SLC35F3: variants seen among roughly 807,000 people sequenced by gnomAD.
SLC35F3 encodes solute carrier family 35 member F3.
Under a neutral mutation model 49.9 loss-of-function variants are expected in SLC35F3, and 25 were observed. The ratio of observed to expected loss-of-function variants is 0.50; its 90% CI spans 0.37 to 0.70. The LOEUF (loss-of-function observed/expected upper bound fraction) is 0.70. SLC35F3 is among the 30% of genes least tolerant of loss of function. SLC35F3 has a pLI of 0.00. For missense variants in SLC35F3, 525 were observed against 639.8 expected (o/e 0.82, Z 1.94); for synonymous variants, 275 against 265.4 (o/e 1.04, Z -0.35).
chr1:234,296,484 T>C (rs777686223), intron 3 of SLC35F3, among the ~76,000 whole-genome samples: 6 of 152,168 alleles, frequency 3.9e-5, no homozygotes, highest in Non-Finnish European at 8.8e-5. Context: ...TGTGCAGAGG[T>C]TCAGAAGGTC....
intron 2 of SLC35F3, among the ~76,000 whole-genome samples, chr1:233,953,872 C>T (rs1662650348): frequency 6.6e-6 from 1 of 152,142 alleles, no homozygotes; most frequent in Non-Finnish European, 1.5e-5. Flanking sequence ...ATGTGTAGAC[C>T]ATGGGAGCAA....
chr1:234,121,122 A>G (rs946767139), intron 2 of SLC35F3, among the ~76,000 whole-genome samples: 1 of 148,560 alleles, frequency 6.7e-6, no homozygotes, highest in African/African-American at 2.4e-5. Flanking sequence ...CAATTTGAAG[A>G]TGAAAAATTA....
Position 234,258,354 on chromosome 1 carries a change from C to G in SLC35F3, c.608+26613C>G, listed in dbSNP as rs186255383. On this transcript the variant is annotated intron_variant, in intron 3 of 7. Transcript: ENST00000366618. ...CCCTCAGTGAACAAATTGGAAAAGT[C>G]TGAAAAATACCTCAAACACCAATCT... 3.1e-3 allele frequency among the ~76,000 whole-genome samples: 477 copies of G among 152,250 alleles called. 3 individuals carry two copies. The highest frequency in any genetic ancestry group is 0.011 in the African/African-American group (456 of 41,550).
intron 2 of SLC35F3, among the ~76,000 whole-genome samples, chr1:234,008,193 A>G (rs539747427): frequency 1.3e-5 from 2 of 152,266 alleles, no homozygotes; most frequent in South Asian, 2.1e-4. Context: ...GCCTCCAAAG[A>G]TCCCATTATG....
At position 233,968,340 on chromosome 1, in the gene SLC35F3, AC is replaced by A. The variant is rs576346317; in HGVS notation, c.283+62585del. On this transcript the variant is annotated intron_variant, in intron 2 of 7. Coordinates refer to ENST00000366618, the MANE Select transcript of SLC35F3 (RefSeq NM_173508.4). ...ATCTTAACTAATGACATCTGAAATG[AC>A]CCTATTTCTTTTTTTTTCCAACTTT... 4.0e-3 allele frequency among the ~76,000 whole-genome samples: 612 copies of A among 151,536 alleles called. 3 individuals carry two copies. Among genetic ancestry groups the A allele is most frequent in the Non-Finnish European group, 6.5e-3 (440 of 67,820 alleles).
chr1:234,076,681 G>A (rs1000517841), intron 2 of SLC35F3, among the ~76,000 whole-genome samples: 3 of 151,966 alleles, frequency 2.0e-5, no homozygotes, highest in South Asian at 2.1e-4. Context: ...GGCTGTTCTC[G>A]AACTCATGAC....
chr1:233,965,369 T>C (rs140586390), intron 2 of SLC35F3, among the ~76,000 whole-genome samples: 1 of 152,332 alleles, frequency 6.6e-6, no homozygotes, highest in Non-Finnish European at 1.5e-5. Flanking sequence ...GCTCACCTCT[T>C]TGTCTAATTC....
chr1:233,910,171 T>C (rs185405430), intron 2 of SLC35F3, among the ~76,000 whole-genome samples: 1 of 152,276 alleles, frequency 6.6e-6, no homozygotes, highest in African/African-American at 2.4e-5. Context: ...TTTGCCCCAG[T>C]AGAAGAGAAA....
At chr1:234,093,438 A>G (rs1158536616) in intron 2 of SLC35F3, among the ~76,000 whole-genome samples, 1 of 152,222 alleles carries the variant, frequency 6.6e-6, no homozygotes, top group Non-Finnish European at 1.5e-5. Context: ...CTGAGGCACC[A>G]TCACCCTACC....
At chr1:234,162,365 C>A (rs1666241088) in intron 2 of SLC35F3, among the ~76,000 whole-genome samples, 2 of 98,896 alleles carry the variant, frequency 2.0e-5, no homozygotes, top group South Asian at 7.7e-4. Flanking sequence ...CAGGAACATT[C>A]AACTAAGCCT....
In SLC35F3 at chr1:233,957,605, A is replaced by C. The variant is rs1248927455; in HGVS notation, c.283+51847A>C. On this transcript the variant is annotated intron_variant, in intron 2 of 7. Transcript: ENST00000366618. This position sits in a 1 kb window ranked among gnomAD's most constrained non-coding sequence, Gnocchi z 4.0. ...CGAGGCAGGTGGATCACCTGAAGTC[A>C]GGAGTTCGAGACCAGCCTGGCCAAC... is the stretch of plus-strand genomic sequence containing the variant. 2.6e-5 allele frequency among the ~76,000 whole-genome samples: 4 copies of C among 152,178 alleles called. No individual in the cohort carries two copies. Among genetic ancestry groups the C allele is most frequent in the Non-Finnish European group, 5.9e-5 (4 of 68,036 alleles).
At chr1:233,953,138 G>A (rs138970609) in intron 2 of SLC35F3, among the ~76,000 whole-genome samples, 233 of 152,106 alleles carry the variant, frequency 1.5e-3, no homozygotes, top group African/African-American at 5.2e-3. Flanking sequence ...GAGATCAGCT[G>A]GAAACCTAAA....
chr1:233,920,099 C>G (rs1229384777), intron 2 of SLC35F3, among the ~76,000 whole-genome samples: 2 of 152,114 alleles, frequency 1.3e-5, no homozygotes, highest in Non-Finnish European at 2.9e-5. Flanking sequence ...GGAGTTCAAT[C>G]AGAGATAATA....
intron 2 of SLC35F3, among the ~76,000 whole-genome samples, chr1:234,105,855 A>G (rs910929562): frequency 6.6e-6 from 1 of 152,190 alleles, no homozygotes; most frequent in African/African-American, 2.4e-5. Context: ...ACGTAAATGG[A>G]GATGAGGCAT....
chr1:234,239,149 A>G (rs983979289), intron 3 of SLC35F3, among the ~76,000 whole-genome samples: 2 of 152,226 alleles, frequency 1.3e-5, no homozygotes, highest in Non-Finnish European at 2.9e-5. Context: ...GTCCCTGTGA[A>G]TATTTGCAAG....
chr1:234,231,888 T>C lies in SLC35F3; in HGVS notation c.608+147T>C. ...TTGCAGTGAATGCACCTGCTCTCAG[T>C]GGGGTCGGGAGCAGAATTCTGTCTA... is the stretch of plus-strand genomic sequence containing the variant. On this transcript the variant is annotated intron_variant, in intron 3 of 7. Transcript: ENST00000366618. This position sits in a 1 kb window ranked among gnomAD's most constrained non-coding sequence, Gnocchi z 5.4. 1 of 763,944 alleles carries C rather than the reference T, an allele frequency of 1.3e-6. No homozygotes were observed. The highest frequency in any genetic ancestry group is 2.1e-6 in the Non-Finnish European group (1 of 469,194). The allele number at this position is 763,944 out of a possible 1,614,324, so 47.3% of individuals were successfully genotyped here.
chr1:233,970,127 G>T (rs1221261335), intron 2 of SLC35F3, among the ~76,000 whole-genome samples: 1 of 152,198 alleles, frequency 6.6e-6, no homozygotes. Context: ...AGCACTGGTG[G>T]CCTCTGCCAC....
intron 2 of SLC35F3, among the ~76,000 whole-genome samples, chr1:234,131,011 T>C (rs1261301092): frequency 6.6e-6 from 1 of 152,040 alleles, no homozygotes; most frequent in Non-Finnish European, 1.5e-5. Flanking sequence ...TGGAACAACA[T>C]AGAAAAACCT....
intron 3 of SLC35F3, among the ~76,000 whole-genome samples, chr1:234,292,705 C>A (rs1668528584): frequency 6.6e-6 from 1 of 152,180 alleles, no homozygotes; most frequent in South Asian, 2.1e-4. Flanking sequence ...AGCTTTGCTG[C>A]TGTTTAGAGT....
Sources: gnomAD v4.1 joint callset for allele counts (sites outside exome capture counted in the v4.1 genomes callset) on GRCh38, gnomAD v4.1.1 for gene constraint, Gnocchi (gnomAD v3.1) non-coding constraint, MANE v1.5 for transcripts, NCBI Gene and HGNC (gene_info 2026-07-23, HGNC 2026-07-21) for gene names.